XPC: variants seen among roughly 807,000 people sequenced by gnomAD.
XPC encodes the protein XPC complex subunit, DNA damage recognition and repair factor, also known as DNA repair protein complementing XP-C cells.
A neutral mutation model predicts 95.8 loss-of-function variants in XPC; 76 were observed. The ratio of observed to expected loss-of-function variants is 0.79; its 90% CI spans 0.66 to 0.96. The LOEUF (loss-of-function observed/expected upper bound fraction) is 0.96, where lower values mean the gene tolerates loss of function less well. XPC is among the 40% of genes least tolerant of loss of function. The pLI is 0.00. For synonymous variants in XPC, 442 were observed against 442.1 expected (o/e 1.00, Z 0.00); for missense variants, 1,146 against 1,179.8 (o/e 0.97, Z 0.42).
At chr3:14,150,996 T>A (rs949003039) in intron 11 of XPC, among the ~76,000 whole-genome samples, 10 of 152,120 alleles carry the variant, frequency 6.6e-5, no homozygotes, top group Admixed American at 3.9e-4. Flanking sequence ...AAGAGCCTAG[T>A]GACTGACAGG....
chr3:14,166,803 G>A (rs1218873078), intron 5 of XPC, among the ~76,000 whole-genome samples: 1 of 152,200 alleles, frequency 6.6e-6, no homozygotes, highest in Non-Finnish European at 1.5e-5. Flanking sequence ...ACCATGCCAA[G>A]CACCTTGCTA....
In XPC at chr3:14,158,678, T is replaced by A; in HGVS notation, c.1205A>T (p.Asp402Val). 6.2e-7 allele frequency: 1 copy of A among 1,613,866 alleles called. No homozygotes were observed. Among genetic ancestry groups the A allele is most frequent in the Non-Finnish European group, 8.5e-7 (1 of 1,179,876 alleles). ...KRSKPSSSEE[D>V]EGPGDKQEKA... ...CTCCTGCTTGTCTCCTGGGCCCTCA[T>A]CTTCCTCGCTGGAGGAGGGCTTGCT... The change falls in exon 9 of 16, where the codon GAT (aspartate) becomes GTT (valine). Residue 402 changes from aspartate (D) to valine (V), a missense_variant. By Grantham distance (152) the Asp-to-Val change is radical (BLOSUM62 -3). Transcript: ENST00000285021. The surrounding 1 kb of genome is among the most constrained non-coding windows in gnomAD (Gnocchi z 5.2).
chr3:14,172,885 C>T lies in XPC; in HGVS notation c.281G>A (p.Ser94Asn), dbSNP rs763230547. ...NLKVIKDEAL[S>N]DGDDLRDFPS... ...ATCTCACCTGAGGTCATCCCCATCG[C>T]TGAGGGCTTCATCCTTTATAACCTT... is the stretch of plus-strand genomic sequence containing the variant. Residue 94 changes from serine (S) to asparagine (N), a missense_variant, in exon 2 of 16, where the codon AGC (serine) becomes AAC (asparagine). Coordinates refer to ENST00000285021, the MANE Select transcript of XPC (RefSeq NM_004628.5). The T allele has an allele frequency of 5.0e-6, 8 of 1,613,926 alleles. No homozygotes were observed. The South Asian group carries it at 8.8e-5, about 18-fold the overall frequency.
Position 14,147,331 on chromosome 3 carries a change from G to C in XPC, c.2563C>G (p.Leu855Val). ...LGNWKLLAKG[L>V]LIRERLKRRY... is the part of the protein sequence containing the mutation. ...CGCTTCAGCCTCTCCCTGATGAGCAGACCTTTGGCCAGCAACTTCCAGTTC... is the reference window on the plus strand; with the variant it reads ...CGCTTCAGCCTCTCCCTGATGAGCACACCTTTGGCCAGCAACTTCCAGTTC... The change falls in exon 15 of 16, where the codon CTG becomes GTG. Residue 855 changes from leucine to valine, a missense_variant. Leu to Val is a conservative substitution (Grantham distance 32). Transcript: ENST00000285021. 1 of 1,612,166 alleles carries C rather than the reference G, an allele frequency of 6.2e-7. No homozygotes were observed. The highest frequency in any genetic ancestry group is 8.5e-7 in the Non-Finnish European group (1 of 1,179,222).
rs781412924 is a variant in XPC, at chr3:14,170,474, C to G, written c.376G>C (p.Glu126Gln). ...TCCCAATCATTTTCACTTTCTTCCTCTTCTTCATTGCTGTCTTCATTCATG... is the reference window on the plus strand; with the variant it reads ...TCCCAATCATTTTCACTTTCTTCCTGTTCTTCATTGCTGTCTTCATTCATG... ...ATMNEDSNEE[E>Q]EESENDWEEV... The change falls in exon 3 of 16, where the codon GAG (glutamate) becomes CAG (glutamine). Residue 126 changes from glutamate to glutamine, a missense_variant. Transcript: ENST00000285021. 1 of 1,613,848 alleles carries G rather than the reference C, an allele frequency of 6.2e-7. No individual in the cohort carries two copies. Among genetic ancestry groups the G allele is most frequent in the South Asian group, 1.1e-5 (1 of 91,076 alleles).
chr3:14,165,448 G>A lies in XPC; in HGVS notation c.759C>T (p.Tyr253=), dbSNP rs749281201. ...RVLPRDVDTY[Y]LSNLVKWFIG... ...CTTACCACTTCACCAGGTTTGAGAG[G>A]TAGTAGGTGTCCACATCTCGAGGCA... Residue 253 remains tyrosine (Y), a synonymous_variant, in exon 6 of 16, where the codon TAC becomes TAT. Coordinates refer to ENST00000285021, the MANE Select transcript of XPC (RefSeq NM_004628.5). 1 of 1,597,908 alleles carries A rather than the reference G, an allele frequency of 6.3e-7. No individual in the cohort carries two copies. The highest frequency in any genetic ancestry group is 1.1e-5 in the South Asian group (1 of 88,042).
intron 1 of XPC, among the ~76,000 whole-genome samples, chr3:14,175,130 G>A (rs1013858801): frequency 2.6e-5 from 4 of 151,852 alleles, no homozygotes; most frequent in Non-Finnish European, 5.9e-5. Context: ...CCAGCCCCTC[G>A]CTCGCTGTGT....
intron 7 of XPC, 105 bp from the exon 8 acceptor site, chr3:14,159,935 A>T: frequency 8.7e-7 from 1 of 1,146,380 alleles, no homozygotes; most frequent in Admixed American, 2.1e-5. Flanking sequence ...GAAAAGCTGG[A>T]AACAGCCAGA....
intron 2 of XPC, among the ~76,000 whole-genome samples, chr3:14,171,842 ACGGGACGGGG>A (rs922776299): frequency 2.0e-5 from 3 of 151,928 alleles, no homozygotes; most frequent in South Asian, 4.1e-4. Context: ...CGGGATGGGG[ACGGGACGGGG>A]CGGGACGGGA....
chr3:14,148,231 T>C, intron 13 of XPC: 2 of 581,458 alleles, frequency 3.4e-6, no homozygotes, highest in Non-Finnish European at 6.0e-6. Flanking sequence ...AAAGCCCCTA[T>C]CCAGCCTCAC....
chr3:14,165,524 T>C lies in XPC; in HGVS notation c.683A>G (p.Asp228Gly). ...GATGGACAGGCCAATAGCATGCAGA[T>C]CTGGCTGGCTGCAGATGTTATTTCG... ...FYRNNICSQP[D>G]LHAIGLSIIP... Residue 228 changes from aspartate to glycine, a missense_variant, in exon 6 of 16, where the codon GAT becomes GGT. Asp to Gly is a moderately conservative substitution (Grantham distance 94). Transcript: ENST00000285021. 1 of 1,611,918 alleles carries C rather than the reference T, an allele frequency of 6.2e-7. No individual in the cohort carries two copies. Among genetic ancestry groups the C allele is most frequent in the African/African-American group, 1.3e-5 (1 of 75,004 alleles).
intron 8 of XPC, 78 bp downstream of exon 8, chr3:14,159,653 CTTAAAAAATA>C: frequency 7.5e-7 from 1 of 1,336,980 alleles, no homozygotes; most frequent in South Asian, 1.3e-5. Context: ...AATACCAGCT[CTTAAAAAATA>C]TAATAATGAT....
At chr3:14,160,676 C>T (rs1254431604) in intron 7 of XPC, among the ~76,000 whole-genome samples, 1 of 152,232 alleles carries the variant, frequency 6.6e-6, no homozygotes, top group Non-Finnish European at 1.5e-5. Flanking sequence ...TGACTAAATA[C>T]AAACTGGTAT....
In XPC at chr3:14,152,431, C is replaced by G. The variant is rs1367464740; in HGVS notation, c.2034-15G>C. 6.2e-7 allele frequency: 1 copy of G among 1,605,554 alleles called. No homozygotes were observed. The highest frequency in any genetic ancestry group is 1.7e-5 in the Admixed American group (1 of 58,814). The stretch of plus-strand genomic sequence containing the variant: ...GCACACAATCCCTGTGGAACCAACA[C>G]AGGACACAAAGGTAACTCAGTCCAC... On this transcript the variant is annotated splice_polypyrimidine_tract_variant and intron_variant, in intron 10 of 15. Coordinates refer to ENST00000285021, the MANE Select transcript of XPC (RefSeq NM_004628.5).
chr3:14,166,172 T>G (rs1264656437), intron 5 of XPC, among the ~76,000 whole-genome samples: 1 of 152,110 alleles, frequency 6.6e-6, no homozygotes, highest in East Asian at 1.9e-4. Flanking sequence ...ACATACTGCT[T>G]TGTGTCATTT....
At chr3:14,176,209 G>A (rs1468122408) in intron 1 of XPC, among the ~76,000 whole-genome samples, 2 of 152,186 alleles carry the variant, frequency 1.3e-5, no homozygotes, top group East Asian at 3.8e-4. Context: ...GTTGAGCTGG[G>A]AAGAATACAG....
chr3:14,168,109 C>G (rs1696457914), intron 4 of XPC, 148 bp downstream of exon 4: 1 of 1,135,810 alleles, frequency 8.8e-7, no homozygotes, highest in Admixed American at 3.1e-5. Flanking sequence ...ATTCAAGTCT[C>G]TAAAGGTAAA....
intron 2 of XPC, among the ~76,000 whole-genome samples, chr3:14,172,176 A>C (rs1159166756): frequency 3.3e-5 from 5 of 152,190 alleles, no homozygotes; most frequent in African/African-American, 1.2e-4. Context: ...AGTTTCTGCC[A>C]AATAAAAGGG....
chr3:14,147,913 T>C lies in XPC; in HGVS notation c.2509A>G (p.Lys837Glu), dbSNP rs371544865. 22 of 1,599,656 alleles carry C rather than the reference T, an allele frequency of 1.4e-5. No individual in the cohort carries two copies. Among genetic ancestry groups the C allele is most frequent in the Middle Eastern group, 1.7e-4 (1 of 6,030 alleles). ...AGTCCTGCATATGCGCTTACCTCCT[T>C]CTCCTTCCTTTCAATGACTGCCTGC... ...NEQAVIERKEKEKKEKRALGN... is the reference protein window; with the variant it reads ...NEQAVIERKEEEKKEKRALGN... Residue 837 changes from lysine (K) to glutamate (E), a missense_variant, in exon 14 of 16, where the codon AAG becomes GAG. Lys to Glu is a moderately conservative substitution (Grantham distance 56, BLOSUM62 1). Transcript: ENST00000285021.
Sources: allele counts gnomAD v4.1 joint callset (sites outside exome capture counted in the v4.1 genomes callset), GRCh38; gene constraint gnomAD v4.1.1; non-coding constraint Gnocchi (gnomAD v3.1); transcripts MANE v1.5; gene names NCBI Gene and HGNC (gene_info 2026-07-23, HGNC 2026-07-21).